FAM200C: variants seen among roughly 807,000 people sequenced by gnomAD.
At chr5:160,396,750 C>G in the FAM200C span, among the ~76,000 whole-genome samples, 3 of 143,510 alleles carry the variant, frequency 2.1e-5, no homozygotes, top group Admixed American at 7.0e-5. Flanking sequence ...GGAAACACAA[C>G]TATTCTTGTT....
the FAM200C span, chr5:160,397,465 G>C: frequency 6.6e-6 from 1 of 152,166 alleles, no homozygotes; most frequent in Non-Finnish European, 1.5e-5. Context: ...CTATCTCCAA[G>C]ATAAGTAAGT....
the FAM200C span, among the ~76,000 whole-genome samples, chr5:160,397,692 G>A: frequency 6.6e-6 from 1 of 152,202 alleles, no homozygotes; most frequent in Non-Finnish European, 1.5e-5. Flanking sequence ...AGGTTGTTAT[G>A]AGCCTGTTAA....
chr5:160,394,948 G>A, the FAM200C span: 12 of 1,613,534 alleles, frequency 7.4e-6, no homozygotes, highest in Non-Finnish European at 1.0e-5. Flanking sequence ...AGTCATCCAT[G>A]TCAGTTGTCT....
the FAM200C span, chr5:160,395,512 A>T: frequency 6.3e-7 from 1 of 1,590,550 alleles, no homozygotes; most frequent in Non-Finnish European, 8.6e-7. Flanking sequence ...ATTCTCAGGT[A>T]GTATTCCAGA....
chr5:160,394,841 A>G, the FAM200C span: 5 of 1,613,428 alleles, frequency 3.1e-6, no homozygotes, highest in Non-Finnish European at 3.4e-6. Flanking sequence ...GAACACATCT[A>G]TTCCTTTCAT....
chr5:160,394,801 A>G, the FAM200C span: 2 of 1,613,780 alleles, frequency 1.2e-6, no homozygotes, highest in African/African-American at 2.7e-5. Flanking sequence ...GTGCTATCTT[A>G]TGCTTCAGAA....
chr5:160,394,616 A>C, the FAM200C span: 5 of 1,614,066 alleles, frequency 3.1e-6, no homozygotes, highest in South Asian at 4.4e-5. Context: ...CACCACAGTA[A>C]ACAGAGCATC....
chr5:160,395,400 C>T, the FAM200C span: 177 of 1,614,160 alleles, frequency 1.1e-4, 1 homozygote, highest in African/African-American at 1.8e-3. Flanking sequence ...TTACACAACA[C>T]ACACTGTGGA....
the FAM200C span, chr5:160,394,474 T>A: frequency 1.2e-6 from 2 of 1,613,986 alleles, no homozygotes; most frequent in Non-Finnish European, 8.5e-7. Flanking sequence ...TGTGAGTAAG[T>A]ATTTGGCCTC....
the FAM200C span, chr5:160,393,759 G>A: frequency 3.2e-6 from 5 of 1,557,680 alleles, no homozygotes; most frequent in African/African-American, 2.7e-5. Flanking sequence ...TCCGAGAAAC[G>A]AGGAACTTTT....
the FAM200C span, chr5:160,399,703 A>C: frequency 5.9e-5 from 9 of 152,060 alleles, no homozygotes; most frequent in African/African-American, 2.2e-4. Context: ...CTCTTAACTG[A>C]TAGGACCTGA....
At chr5:160,393,966 C>T in the FAM200C span, 4 of 1,613,980 alleles carry the variant, frequency 2.5e-6, no homozygotes, top group East Asian at 8.9e-5. Context: ...TTCATTGTCT[C>T]AAATTCCATT....
At chr5:160,394,491 G>C in the FAM200C span, 1 of 1,614,074 alleles carries the variant, frequency 6.2e-7, no homozygotes, top group East Asian at 2.2e-5. Context: ...CCTCGGGAAA[G>C]CCACCTCATT....
the FAM200C span, chr5:160,394,613 G>C: frequency 3.1e-6 from 5 of 1,614,014 alleles, no homozygotes; most frequent in Non-Finnish European, 1.7e-6. Flanking sequence ...CCTCACCACA[G>C]TAAACAGAGC....
At chr5:160,395,349 A>G in the FAM200C span, 1 of 1,614,178 alleles carries the variant, frequency 6.2e-7, no homozygotes, top group Non-Finnish European at 8.5e-7. Flanking sequence ...AAATGGTCTG[A>G]CAGTTTTGAT....
the FAM200C span, among the ~76,000 whole-genome samples, chr5:160,398,438 G>A: frequency 1.3e-5 from 2 of 152,168 alleles, no homozygotes; most frequent in Non-Finnish European, 2.9e-5. Flanking sequence ...TGGAGAGGCT[G>A]ATGCAGGAGA....
chr5:160,395,350 C>A, the FAM200C span: 394 of 1,614,168 alleles, frequency 2.4e-4, 1 homozygote, highest in African/African-American at 4.9e-3. Context: ...AATGGTCTGA[C>A]AGTTTTGATG....
the FAM200C span, chr5:160,393,847 A>G: frequency 1.2e-6 from 2 of 1,613,952 alleles, no homozygotes; most frequent in Non-Finnish European, 1.7e-6. Flanking sequence ...AAAGTGATGA[A>G]AATCCCAACT....
the FAM200C span, among the ~76,000 whole-genome samples, chr5:160,398,254 CTG>C: frequency 6.6e-6 from 1 of 151,974 alleles, no homozygotes; most frequent in African/African-American, 2.4e-5. Flanking sequence ...CAGCCAGACT[CTG>C]TCTCAAAAAA....
Sources: allele counts gnomAD v4.1 joint callset (sites outside exome capture counted in the v4.1 genomes callset), GRCh38; gene constraint gnomAD v4.1.1; transcripts MANE v1.5.